Variants in DROSHA observed in about 807,000 individuals in gnomAD.
DROSHA encodes ribonuclease 3.
In DROSHA, 56 loss-of-function variants were observed where a neutral mutation model predicts 181.9. The ratio of observed to expected loss-of-function variants is 0.31; its 90% CI spans 0.25 to 0.38. The LOEUF (loss-of-function observed/expected upper bound fraction) is 0.38, where lower values mean the gene tolerates loss of function less well. Among genes scored for constraint, DROSHA ranks in the 10% least tolerant of loss-of-function variants. The pLI is 1.00. For synonymous variants in DROSHA, 524 were observed against 591.2 expected (o/e 0.89, Z 1.65); for missense variants, 1,218 against 1,743.5 (o/e 0.70, Z 5.37).
intron 8 of DROSHA, among the ~76,000 whole-genome samples, chr5:31,512,836 C>G (rs1738844618): frequency 6.6e-6 from 1 of 152,212 alleles, no homozygotes; most frequent in Non-Finnish European, 1.5e-5. Flanking sequence ...CCACACCTGA[C>G]AGCCAACAAG....
intron 27 of DROSHA, among the ~76,000 whole-genome samples, chr5:31,428,214 AAACAGAAC>A (rs1743712106): frequency 6.6e-6 from 1 of 151,746 alleles, no homozygotes; most frequent in Non-Finnish European, 1.5e-5. Context: ...AACTGCAGCA[AAACAGAAC>A]AACAGAACAC....
rs74615839 is a variant in DROSHA, at chr5:31,437,484, G to A, written c.2883-186C>T. On this transcript the variant is annotated intron_variant, in intron 23 of 35. Transcript: ENST00000344624. Reference sequence around the variant, plus strand: ...AGAGGCATCTGGCACCTGCCTAATGGGAAGGAGGGGTGCATTCCTTCATAT... The same window carrying A: ...AGAGGCATCTGGCACCTGCCTAATGAGAAGGAGGGGTGCATTCCTTCATAT... Among the ~76,000 whole-genome samples, 684 of 151,856 alleles carry A rather than the reference G, an allele frequency of 4.5e-3. 7 individuals are homozygous for A. Among genetic ancestry groups the A allele is most frequent in the African/African-American group, 0.016 (649 of 41,416 alleles).
chr5:31,418,071 A>G (rs1742165482), intron 30 of DROSHA, among the ~76,000 whole-genome samples: 1 of 152,190 alleles, frequency 6.6e-6, no homozygotes, highest in East Asian at 1.9e-4. Context: ...TGGGGACTCC[A>G]GCAGCCCACT....
At chr5:31,437,754 A>G (rs1176447051) in intron 23 of DROSHA, among the ~76,000 whole-genome samples, 1 of 152,138 alleles carries the variant, frequency 6.6e-6, no homozygotes, top group Non-Finnish European at 1.5e-5. Context: ...AAATAAGTGT[A>G]ATCTACGTTT....
chr5:31,428,954 T>C (rs1483065347), intron 27 of DROSHA, among the ~76,000 whole-genome samples: 1 of 152,246 alleles, frequency 6.6e-6, no homozygotes, highest in Non-Finnish European at 1.5e-5. Flanking sequence ...TATCATTTTT[T>C]CTTAAACTAC....
intron 15 of DROSHA, among the ~76,000 whole-genome samples, 200 bp from the exon 16 acceptor site, chr5:31,483,828 G>A (rs1751358543): frequency 6.6e-6 from 1 of 152,164 alleles, no homozygotes; most frequent in South Asian, 2.1e-4. Context: ...ACCCAAGGAA[G>A]ACTGCAATGA....
intron 20 of DROSHA, among the ~76,000 whole-genome samples, chr5:31,458,328 T>C (rs1000240643): frequency 6.6e-6 from 1 of 152,206 alleles, no homozygotes; most frequent in East Asian, 1.9e-4. Context: ...GTGGTGGTGC[T>C]GTTAAATTGC....
chr5:31,472,886 G>C (rs1386853140), intron 16 of DROSHA, among the ~76,000 whole-genome samples: 1 of 152,160 alleles, frequency 6.6e-6, no homozygotes, highest in African/African-American at 2.4e-5. Context: ...AAATAACAAA[G>C]GGCATCATTC....
chr5:31,447,414 C>T (rs1450203761), intron 23 of DROSHA, among the ~76,000 whole-genome samples: 1 of 152,132 alleles, frequency 6.6e-6, no homozygotes, highest in Admixed American at 6.5e-5. Context: ...AATTGATCTA[C>T]AGAATCAACA....
In DROSHA at chr5:31,423,205, G is replaced by C. The variant is rs886456147; in HGVS notation, c.3262-261C>G. ...GTACACAGATAGTTCAAAATCCCAA[G>C]TATTATACTAACTCTCCAAGGAGAT... On this transcript the variant is annotated intron_variant, in intron 28 of 35. Transcript: ENST00000344624. 33 of 240,828 alleles carry C rather than the reference G, an allele frequency of 1.4e-4. No homozygotes were observed. In the South Asian group the frequency reaches 2.9e-3, roughly 21 times the overall value. The allele number at this position is 240,828 out of a possible 1,614,324, so 14.9% of individuals were successfully genotyped here.
intron 8 of DROSHA, 100 bp from the exon 9 acceptor site, chr5:31,511,276 G>T: frequency 8.6e-7 from 1 of 1,165,510 alleles, no homozygotes. Flanking sequence ...TTAACAGCAA[G>T]ATGCTATTTT....
intron 33 of DROSHA, 196 bp from the exon 34 acceptor site, chr5:31,407,141 T>C (rs1740744790): frequency 1.6e-5 from 6 of 363,764 alleles, no homozygotes; most frequent in Admixed American, 9.1e-5. Context: ...GCATTTGAAA[T>C]AGAAATTTTT....
intron 10 of DROSHA, 80 bp from the exon 11 acceptor site, chr5:31,504,715 G>A: frequency 6.9e-7 from 1 of 1,443,700 alleles, no homozygotes; most frequent in Non-Finnish European, 9.6e-7. Context: ...GAAAATGCGT[G>A]GGTTTTAATG....
intron 30 of DROSHA, among the ~76,000 whole-genome samples, chr5:31,414,278 A>G (rs1441569924): frequency 2.6e-5 from 4 of 152,340 alleles, no homozygotes; most frequent in Non-Finnish European, 5.9e-5. Flanking sequence ...ATGAAGTTGA[A>G]AAGCCTGTAG....
At chr5:31,451,681 C>T in intron 20 of DROSHA, 41 bp from the exon 21 acceptor site, 1 of 1,433,780 alleles carries the variant, frequency 7.0e-7, no homozygotes, top group Non-Finnish European at 9.6e-7. Flanking sequence ...TTTATAAAAA[C>T]TTATAAAGTC....
chr5:31,449,290 G>A lies in DROSHA; in HGVS notation c.2812C>T (p.Arg938Trp), dbSNP rs776471094. The A allele has an allele frequency of 1.2e-6, 2 of 1,613,600 alleles. No individual in the cohort carries two copies. The highest frequency in any genetic ancestry group is 1.7e-5 in the Admixed American group (1 of 59,960). Residue 938 changes from arginine to tryptophan, a missense_variant, in exon 22 of 36, where the codon CGG becomes TGG. Arg to Trp is a moderately radical substitution (Grantham distance 101). Around this residue, in one of 8 missense-constraint regions of DROSHA, gnomAD observed 460 missense variants for 774.2 expected, o/e 0.59. Coordinates refer to ENST00000344624, the MANE Select transcript of DROSHA (RefSeq NM_001382508.1). ...GDRKVHHMHM[R>W]KKGINTLINI... is the part of the protein sequence containing the mutation. ...AATCATCCAGACATACCTTTCTTCC[G>A]CATGTGCATGTGATGAACTTTTCTG... is the stretch of plus-strand genomic sequence containing the variant.
intron 16 of DROSHA, among the ~76,000 whole-genome samples, chr5:31,482,161 A>C (rs1354996367): frequency 6.6e-6 from 1 of 152,216 alleles, no homozygotes; most frequent in Non-Finnish European, 1.5e-5. Context: ...ATTGGGTGGA[A>C]AGGTTACACG....
At chr5:31,408,058 A>G (rs759114359) in intron 33 of DROSHA, among the ~76,000 whole-genome samples, 1 of 152,072 alleles carries the variant, frequency 6.6e-6, no homozygotes, top group Non-Finnish European at 1.5e-5. Context: ...GGGTGACTCA[A>G]CCTCTTCTTC....
At chr5:31,443,562 G>T (rs1473076116) in intron 23 of DROSHA, among the ~76,000 whole-genome samples, 2 of 152,122 alleles carry the variant, frequency 1.3e-5, no homozygotes, top group African/African-American at 4.8e-5. Flanking sequence ...ATTCAGCTCA[G>T]ATTTAGGTGG....
Sources: gnomAD v4.1 joint callset for allele counts (sites outside exome capture counted in the v4.1 genomes callset) on GRCh38, gnomAD v4.1.1 for gene constraint, gnomAD v4.1.1 regional missense constraint, MANE v1.5 for transcripts, NCBI Gene and HGNC (gene_info 2026-07-23, HGNC 2026-07-21) for gene names.